The following FNBP1 variants were observed in gnomAD, a reference collection of about 807,000 sequenced individuals.
The protein encoded by FNBP1 is formin-binding protein 1.
Under a neutral mutation model 90.6 loss-of-function variants are expected in FNBP1, and 26 were observed. The observed-to-expected ratio is 0.29, with a 90% CI of 0.21 to 0.40. The LOEUF (loss-of-function observed/expected upper bound fraction) is 0.40, where lower values mean the gene tolerates loss of function less well. Ranked by LOEUF, FNBP1 falls within the 10% of genes least tolerant of loss-of-function variation. The pLI is 1.00. For missense variants in FNBP1, 635 were observed against 768.0 expected, an observed-to-expected ratio of 0.83 and a Z score of 2.05; for synonymous variants, 260 against 265.2, an observed-to-expected ratio of 0.98 and a Z score of 0.19.
At position 129,979,646 on chromosome 9, in the gene FNBP1, T is replaced by G. The variant is rs538690244; in HGVS notation, c.141-272A>C. 2.0e-5 allele frequency among the ~76,000 whole-genome samples: 3 copies of G among 152,276 alleles called. No homozygotes were observed. In the East Asian group the frequency reaches 5.8e-4, roughly 29 times the overall value. ...GACCATGTGTAAATATGCAGTGGCTTTCTTTTTTTTTGAGACGGAGTCTCA... is the reference window on the plus strand; with the variant it reads ...GACCATGTGTAAATATGCAGTGGCTGTCTTTTTTTTTGAGACGGAGTCTCA... On this transcript the variant is annotated intron_variant, in intron 2 of 16. Coordinates refer to ENST00000446176, the MANE Select transcript of FNBP1 (RefSeq NM_015033.3).
rs981690050 is a variant in FNBP1 at position 129,888,718 on chromosome 9, T to G, written c.*1821A>C. 10 of 233,186 alleles carry G rather than the reference T, an allele frequency of 4.3e-5. No individual in the cohort carries two copies. The highest frequency in any genetic ancestry group is 1.7e-4 in the Admixed American group (3 of 17,778). 14.4% of individuals were successfully genotyped at this position (233,186 alleles called of 1,614,324 possible). The stretch of plus-strand genomic sequence containing the variant: ...TCAGCGTCTCTGCGCTTGTGGTTTC[T>G]CGTCCCCGAGGGCTGACTGAGCTGC... On this transcript the variant is annotated 3_prime_UTR_variant, in exon 17 of 17. Coordinates refer to ENST00000446176, the MANE Select transcript of FNBP1 (RefSeq NM_015033.3).
Position 129,902,875 on chromosome 9 carries a change from T to C in FNBP1, c.1422A>G (p.Lys474=), listed in dbSNP as rs1449288942. Residue 474 remains lysine, a synonymous_variant, in exon 13 of 17, where the codon AAA becomes AAG. Transcript: ENST00000446176. ...CACAACAGAAGTTTCATACCTCAAA[T>C]TTCTGGGTCTCTACTCGCAGTTTCT... ...NIEKLRVETQ[K]FEAWLAEVEG... 1 of 1,613,372 alleles carries C rather than the reference T, an allele frequency of 6.2e-7. No individual in the cohort carries two copies. Among genetic ancestry groups the C allele is most frequent in the Non-Finnish European group, 8.5e-7 (1 of 1,179,786 alleles).
rs534702241 is a variant in FNBP1 at position 129,893,214 on chromosome 9, G to T, written c.1846+2624C>A. On this transcript the variant is annotated intron_variant, in intron 16 of 16. Coordinates refer to ENST00000446176, the MANE Select transcript of FNBP1 (RefSeq NM_015033.3). ...CTGCTCATTTAAACAGATCCTTGTG[G>T]TTGAAGGGTCAGCTGATTTTCTTGC... Among the ~76,000 whole-genome samples, 4 of 152,186 alleles carry T rather than the reference G, an allele frequency of 2.6e-5. No individual in the cohort carries two copies. In the South Asian group the frequency reaches 8.3e-4, roughly 32 times the overall value.
intron 6 of FNBP1, among the ~76,000 whole-genome samples, chr9:129,947,025 G>C (rs1285500708): frequency 6.6e-6 from 1 of 152,176 alleles, no homozygotes; most frequent in Non-Finnish European, 1.5e-5. Context: ...GTATAGCATG[G>C]TGTTATTTCA....
At chr9:130,018,058 C>T (rs970575110) in intron 1 of FNBP1, among the ~76,000 whole-genome samples, 6 of 150,644 alleles carry the variant, frequency 4.0e-5, no homozygotes, top group African/African-American at 1.5e-4. Flanking sequence ...GGACTACAGG[C>T]ACCTGCCACC....
At chr9:129,939,739 A>G (rs890929894) in intron 6 of FNBP1, among the ~76,000 whole-genome samples, 2 of 152,194 alleles carry the variant, frequency 1.3e-5, no homozygotes, top group African/African-American at 2.4e-5. Context: ...TACTTCTACA[A>G]TCCTGTTTTT....
chr9:129,901,289 C>A (rs2036888040), intron 13 of FNBP1, among the ~76,000 whole-genome samples: 1 of 151,994 alleles, frequency 6.6e-6, no homozygotes, highest in South Asian at 2.1e-4. Flanking sequence ...GCCTGTAATC[C>A]CAGCACTTTG....
chr9:130,008,956 C>A (rs2056180971), intron 1 of FNBP1, among the ~76,000 whole-genome samples: 1 of 152,078 alleles, frequency 6.6e-6, no homozygotes, highest in African/African-American at 2.4e-5. Flanking sequence ...CCAGGGAGAA[C>A]TTTGAATGCA....
chr9:129,894,117 G>A (rs1181356250), intron 16 of FNBP1, among the ~76,000 whole-genome samples: 1 of 151,950 alleles, frequency 6.6e-6, no homozygotes, highest in Non-Finnish European at 1.5e-5. Context: ...GAGGCAGGCA[G>A]GGGCTAATTT....
Position 129,908,957 on chromosome 9 carries a change from T to C in FNBP1, c.1228A>G (p.Arg410Gly), listed in dbSNP as rs1368268030. 2 of 1,613,714 alleles carry C rather than the reference T, an allele frequency of 1.2e-6. No homozygotes were observed. Among genetic ancestry groups the C allele is most frequent in the Non-Finnish European group, 8.5e-7 (1 of 1,179,840 alleles). Residue 410 changes from arginine to glycine, a missense_variant, in exon 12 of 17, where the codon AGA becomes GGA. By Grantham distance (125) the Arg-to-Gly change is moderately radical (BLOSUM62 -2). Coordinates refer to ENST00000446176, the MANE Select transcript of FNBP1 (RefSeq NM_015033.3). ...EDFSNLPPEQ[R>G]RKKLQQKVDE... ...ACTTTCTGCTGCAGCTTTTTCCTTC[T>C]TTGTTCAGGTGGGAGGTTGCTGAAA...
intron 10 of FNBP1, among the ~76,000 whole-genome samples, chr9:129,918,109 A>G (rs1469917626): frequency 6.6e-6 from 1 of 152,228 alleles, no homozygotes; most frequent in African/African-American, 2.4e-5. Context: ...CAGAGTTCTC[A>G]CCTCAAAATA....
At chr9:130,018,135 C>T (rs751157354) in intron 1 of FNBP1, among the ~76,000 whole-genome samples, 2 of 151,348 alleles carry the variant, frequency 1.3e-5, no homozygotes, top group South Asian at 2.1e-4. Flanking sequence ...AGGATGGTCT[C>T]GATCTCCTGA....
intron 2 of FNBP1, among the ~76,000 whole-genome samples, chr9:129,988,696 A>T (rs1230322958): frequency 6.6e-6 from 1 of 152,156 alleles, no homozygotes; most frequent in Non-Finnish European, 1.5e-5. Context: ...AAAAAAATTC[A>T]GACTTGCAGG....
chr9:129,996,085 C>T (rs2053956061), intron 1 of FNBP1, among the ~76,000 whole-genome samples: 1 of 152,088 alleles, frequency 6.6e-6, no homozygotes, highest in Non-Finnish European at 1.5e-5. Flanking sequence ...GGTTCTGCTT[C>T]CCGGAATTAA....
chr9:129,968,497 C>G (rs528676705), intron 4 of FNBP1, among the ~76,000 whole-genome samples: 3 of 151,622 alleles, frequency 2.0e-5, no homozygotes, highest in Non-Finnish European at 4.4e-5. Flanking sequence ...TAAGCTTTAC[C>G]TATTTGCTGT....
At chr9:129,954,699 A>T (rs1010670271) in intron 6 of FNBP1, among the ~76,000 whole-genome samples, 2 of 152,230 alleles carry the variant, frequency 1.3e-5, no homozygotes, top group African/African-American at 4.8e-5. Context: ...AATAAAGGGT[A>T]TATTAAAATC....
chr9:129,959,251 C>T (rs79731766), intron 4 of FNBP1, among the ~76,000 whole-genome samples: 11,125 of 150,812 alleles, frequency 0.074, 502 homozygotes, highest in Admixed American at 0.12. Flanking sequence ...GAGCCGTGAT[C>T]GTGCCACTGC....
At chr9:130,016,604 G>C (rs1331364090) in intron 1 of FNBP1, among the ~76,000 whole-genome samples, 1 of 152,134 alleles carries the variant, frequency 6.6e-6, no homozygotes, top group Non-Finnish European at 1.5e-5. Flanking sequence ...TTAGCTGGGC[G>C]TGGTGGTGCA....
intron 11 of FNBP1, among the ~76,000 whole-genome samples, chr9:129,912,589 G>A (rs2039502094): frequency 6.6e-6 from 1 of 151,596 alleles, no homozygotes; most frequent in South Asian, 2.1e-4. Flanking sequence ...TCAGGAGGCT[G>A]AGGCAGGAAA....
Sources: gnomAD v4.1 joint callset for allele counts (sites outside exome capture counted in the v4.1 genomes callset) on GRCh38, gnomAD v4.1.1 for gene constraint, MANE v1.5 for transcripts, NCBI Gene and HGNC (gene_info 2026-07-23, HGNC 2026-07-21) for gene names.